EEF2K: variants seen among roughly 807,000 people sequenced by gnomAD.
EEF2K encodes eukaryotic elongation factor 2 kinase.
In EEF2K, 70 loss-of-function variants were observed where a neutral mutation model predicts 93.8. The ratio of observed to expected loss-of-function variants is 0.75; its 90% CI spans 0.62 to 0.91. The LOEUF (loss-of-function observed/expected upper bound fraction) is 0.91. Among genes scored for constraint, EEF2K ranks in the 40% least tolerant of loss-of-function variants. The pLI is 0.00. For missense variants in EEF2K, 935 were observed against 972.9 expected (o/e 0.96, Z 0.52); for synonymous variants, 376 against 380.8 (o/e 0.99, Z 0.15).
At chr16:22,243,267 T>C (rs899599699) in intron 2 of EEF2K, among the ~76,000 whole-genome samples, 9 of 131,280 alleles carry the variant, frequency 6.9e-5, no homozygotes, top group Non-Finnish European at 1.1e-4. Context: ...TTTTTTTTTT[T>C]CTGAGACAGG....
At chr16:22,216,339 G>A (rs553820244) in intron 1 of EEF2K, among the ~76,000 whole-genome samples, 6 of 152,342 alleles carry the variant, frequency 3.9e-5, no homozygotes, top group Admixed American at 2.0e-4. Flanking sequence ...GTCATTGTCA[G>A]AGGAGAGTCC....
intron 6 of EEF2K, among the ~76,000 whole-genome samples, chr16:22,256,026 G>A (rs1294803141): frequency 6.6e-6 from 1 of 151,986 alleles, no homozygotes; most frequent in Non-Finnish European, 1.5e-5. Flanking sequence ...TGATACTCCT[G>A]CCTCGACACC....
Position 22,284,748 on chromosome 16 carries a change from A to G in EEF2K, c.*752A>G, listed in dbSNP as rs2047737835. 6.6e-6 allele frequency: 1 copy of G among 152,044 alleles called. No individual in the cohort carries two copies. Among genetic ancestry groups the G allele is most frequent in the African/African-American group, 2.4e-5 (1 of 41,400 alleles). The allele number at this position is 152,044 out of a possible 1,614,324, so 9.4% of individuals were successfully genotyped here. On this transcript the variant is annotated 3_prime_UTR_variant, in exon 18 of 18. Transcript: ENST00000263026. ...GCCCTGTGTTTTGTGCATCGGGATG[A>G]GAAATGAAGCACTTCACGCTGGCTT...
chr16:22,213,352 GC>G (rs2046932816), intron 1 of EEF2K, among the ~76,000 whole-genome samples: 1 of 152,180 alleles, frequency 6.6e-6, no homozygotes, highest in Admixed American at 6.5e-5. Flanking sequence ...CTGACATTGG[GC>G]CGGACCTTCT....
At chr16:22,244,037 G>A (rs2047255827) in intron 2 of EEF2K, among the ~76,000 whole-genome samples, 1 of 151,784 alleles carries the variant, frequency 6.6e-6, no homozygotes, top group Admixed American at 6.6e-5. Flanking sequence ...AGACCAGCCA[G>A]GCCAATGTGG....
chr16:22,263,902 T>G (rs570618249), intron 12 of EEF2K, among the ~76,000 whole-genome samples: 17 of 152,284 alleles, frequency 1.1e-4, no homozygotes, highest in Non-Finnish European at 2.1e-4. Flanking sequence ...TCAGACAGTA[T>G]CTGCCATTTA....
At position 22,284,090 on chromosome 16, in the gene EEF2K, A is replaced by G. The variant is rs1037892948; in HGVS notation, c.*94A>G. On this transcript the variant is annotated 3_prime_UTR_variant, in exon 18 of 18. Coordinates refer to ENST00000263026, the MANE Select transcript of EEF2K (RefSeq NM_013302.5). ...ACAACTTATTTAGTTTGGGGAGGGG[A>G]AGCATTTTTAAGTGTGTTGTAAAAT... The G allele has an allele frequency of 9.3e-7, 1 of 1,074,580 alleles. No homozygotes were observed. Among genetic ancestry groups the G allele is most frequent in the Non-Finnish European group, 1.4e-6 (1 of 739,688 alleles). 66.6% of individuals were successfully genotyped at this position (1,074,580 alleles called of 1,614,324 possible).
intron 2 of EEF2K, among the ~76,000 whole-genome samples, chr16:22,231,170 C>T (rs1384195163): frequency 3.3e-5 from 5 of 151,580 alleles, no homozygotes. Context: ...CTCACTGCAA[C>T]CTCTGCTTCC....
intron 3 of EEF2K, among the ~76,000 whole-genome samples, chr16:22,247,331 C>G (rs2047305786): frequency 2.0e-5 from 3 of 151,706 alleles, no homozygotes; most frequent in South Asian, 4.2e-4. Flanking sequence ...ACCTGTAATC[C>G]CAGCTACTCG....
chr16:22,228,828 A>C (rs973347763), intron 2 of EEF2K, among the ~76,000 whole-genome samples: 18 of 152,236 alleles, frequency 1.2e-4, no homozygotes, highest in African/African-American at 4.3e-4. Context: ...GCAGGCAATA[A>C]GCTTGGAAGA....
Position 22,284,411 on chromosome 16 carries a change from G to C in EEF2K, c.*415G>C. ...TTCTCCTGCCTCAGCCTCCCAAGTA[G>C]CTGGGATTACTGGTGCACACCACCA... On this transcript the variant is annotated 3_prime_UTR_variant, in exon 18 of 18. Transcript: ENST00000263026. 5.6e-6 allele frequency: 1 copy of C among 178,612 alleles called. No homozygotes were observed. 11.1% of individuals were successfully genotyped at this position (178,612 alleles called of 1,614,324 possible).
chr16:22,278,342 C>T (rs922027158), intron 16 of EEF2K, among the ~76,000 whole-genome samples: 1 of 152,204 alleles, frequency 6.6e-6, no homozygotes, highest in Non-Finnish European at 1.5e-5. Flanking sequence ...GATCCCAACT[C>T]CTAATACCTC....
At chr16:22,245,181 T>A (rs2047274573) in intron 3 of EEF2K, among the ~76,000 whole-genome samples, 2 of 152,076 alleles carry the variant, frequency 1.3e-5, no homozygotes, top group African/African-American at 4.8e-5. Flanking sequence ...GGCAGGAGAA[T>A]CGCTTGAACT....
Position 22,273,650 on chromosome 16 carries a change from G to C in EEF2K, c.1789G>C (p.Gly597Arg). 1 of 1,614,182 alleles carries C rather than the reference G, an allele frequency of 6.2e-7. No homozygotes were observed. Among genetic ancestry groups the C allele is most frequent in the Non-Finnish European group, 8.5e-7 (1 of 1,180,034 alleles). ...GGAGACAGAAGAGAACAAAACCAAA[G>C]GATTTGATTACTTACTAAAGGCCGC... ...LKETEENKTKGFDYLLKAAEA... is the reference protein window; with the variant it reads ...LKETEENKTKRFDYLLKAAEA... The change falls in exon 16 of 18, where the codon GGA (glycine) becomes CGA (arginine). Residue 597 changes from glycine to arginine, a missense_variant. Physicochemically the swap from Gly to Arg is moderately radical, Grantham distance 125. Coordinates refer to ENST00000263026, the MANE Select transcript of EEF2K (RefSeq NM_013302.5).
chr16:22,225,573 T>C, intron 1 of EEF2K, 81 bp from the exon 2 acceptor site: 2 of 1,160,652 alleles, frequency 1.7e-6, no homozygotes, highest in Non-Finnish European at 2.4e-6. Context: ...TGCGATAGCC[T>C]GCAGCATTTG....
Position 22,275,110 on chromosome 16 carries a change from TG to T in EEF2K, c.1889+1362del, listed in dbSNP as rs1334996470. Among the ~76,000 whole-genome samples, 5 of 152,276 alleles carry T rather than the reference TG, an allele frequency of 3.3e-5. No homozygotes were observed. In the East Asian group the frequency reaches 9.6e-4, roughly 29 times the overall value. ...TAGGTCAAATGTCAGTGTATACATA[TG>T]GTGCCCATTGAGTGCACTGGGGAAG... On this transcript the variant is annotated intron_variant, in intron 16 of 17. Transcript: ENST00000263026.
rs553013823 is a variant in EEF2K, at chr16:22,226,517, C to CTTTTTTTTTT, written c.246+548_246+557dup. On this transcript the variant is annotated intron_variant, in intron 2 of 17. Transcript: ENST00000263026. ...CTTTTTCTTTCTTTTCCTTCTTCTTCTTTTTTTTTTTTTTTATAAACGTGG... is the reference window on the plus strand; with the variant it reads ...CTTTTTCTTTCTTTTCCTTCTTCTTCTTTTTTTTTTTTTTTTTTTTTTTTTATAAACGTGG... Among the ~76,000 whole-genome samples the CTTTTTTTTTT allele has an allele frequency of 2.2e-3, 233 of 106,802 alleles. 5 individuals are homozygous for CTTTTTTTTTT. Among genetic ancestry groups the CTTTTTTTTTT allele is most frequent in the African/African-American group, 6.0e-3 (142 of 23,590 alleles). The allele number at this position is 106,802 out of a possible 152,430, so 70.1% of individuals were successfully genotyped here. A position where few individuals can be genotyped will look rare whatever the true frequency, so the allele number is the denominator to read the frequency against.
At chr16:22,233,197 G>T (rs989775185) in intron 2 of EEF2K, among the ~76,000 whole-genome samples, 1 of 152,096 alleles carries the variant, frequency 6.6e-6, no homozygotes, top group East Asian at 1.9e-4. Flanking sequence ...TGTGAAACTC[G>T]CACGTACACA....
At chr16:22,281,613 C>T (rs545408929) in intron 17 of EEF2K, among the ~76,000 whole-genome samples, 5 of 152,244 alleles carry the variant, frequency 3.3e-5, no homozygotes, top group East Asian at 1.9e-4. Context: ...TTTCCATCAC[C>T]CCAAAAAGAA....
Sources: allele counts gnomAD v4.1 joint callset (sites outside exome capture counted in the v4.1 genomes callset), GRCh38; gene constraint gnomAD v4.1.1; transcripts MANE v1.5; gene names NCBI Gene and HGNC (gene_info 2026-07-23, HGNC 2026-07-21).